BMPER: variants seen among roughly 807,000 people sequenced by gnomAD.
The protein encoded by BMPER is BMP binding endothelial regulator.
BMPER carries 45 observed loss-of-function variants against 87.3 expected under a neutral mutation model. The ratio of observed to expected loss-of-function variants is 0.52; its 90% CI spans 0.41 to 0.66. The LOEUF (loss-of-function observed/expected upper bound fraction) is 0.66. Ranked by LOEUF, BMPER falls within the 30% of genes least tolerant of loss-of-function variation. The pLI is 0.00. For synonymous variants in BMPER, 326 were observed against 316.2 expected (o/e 1.03, Z -0.33); for missense variants, 784 against 867.5 (o/e 0.90, Z 1.21).
chr7:33,974,375 T>C (rs373853053), intron 5 of BMPER, among the ~76,000 whole-genome samples: 2 of 152,186 alleles, frequency 1.3e-5, no homozygotes, highest in South Asian at 2.1e-4. Flanking sequence ...CTGGCCCCCC[T>C]GGGTTTGGTC....
chr7:33,915,166 G>T (rs768431055), intron 2 of BMPER, among the ~76,000 whole-genome samples: 1 of 152,074 alleles, frequency 6.6e-6, no homozygotes, highest in Non-Finnish European at 1.5e-5. Context: ...AATTTTAAAA[G>T]GTACCCAAAC....
chr7:34,150,243 A>T (rs1188737269), intron 14 of BMPER, among the ~76,000 whole-genome samples: 2 of 152,206 alleles, frequency 1.3e-5, no homozygotes, highest in Non-Finnish European at 2.9e-5. Flanking sequence ...CTAAAAAGGA[A>T]TGAGTCTCTG....
chr7:34,074,480 G>A (rs1420913767), intron 11 of BMPER, among the ~76,000 whole-genome samples: 2 of 152,170 alleles, frequency 1.3e-5, no homozygotes, highest in African/African-American at 4.8e-5. Context: ...TAGACAAACA[G>A]CCTTTCCTGA....
At chr7:34,013,546 C>G (rs1252995749) in intron 6 of BMPER, among the ~76,000 whole-genome samples, 1 of 151,764 alleles carries the variant, frequency 6.6e-6, no homozygotes. Flanking sequence ...TCATAAAATT[C>G]ACTTGTTGTA....
intron 3 of BMPER, among the ~76,000 whole-genome samples, chr7:33,941,055 T>G (rs1585659453): frequency 7.4e-6 from 1 of 135,466 alleles, no homozygotes; most frequent in Non-Finnish European, 1.5e-5. Flanking sequence ...AATTTATATG[T>G]AATATATTAC....
chr7:34,045,745 T>C (rs559294412), intron 6 of BMPER, among the ~76,000 whole-genome samples: 5 of 152,322 alleles, frequency 3.3e-5, no homozygotes, highest in African/African-American at 1.2e-4. Flanking sequence ...GGAACCTCCT[T>C]GAGCCATTTT....
Position 34,134,727 on chromosome 7 carries a change from G to A in BMPER, c.1746-8503G>A, listed in dbSNP as rs537155510. The stretch of plus-strand genomic sequence containing the variant: ...ATTAGATGGGCGAGAATTTAACTGT[G>A]GGCATGAAGATTATACTCTTCACAT... On this transcript the variant is annotated intron_variant, in intron 13 of 14. Transcript: ENST00000649409. 5.3e-5 allele frequency among the ~76,000 whole-genome samples: 8 copies of A among 152,224 alleles called. No homozygotes were observed. The South Asian group carries it at 1.7e-3, about 32-fold the overall frequency.
intron 13 of BMPER, among the ~76,000 whole-genome samples, chr7:34,135,370 A>T (rs1176885214): frequency 6.6e-6 from 1 of 152,192 alleles, no homozygotes; most frequent in Non-Finnish European, 1.5e-5. Flanking sequence ...AAGAGTCCTT[A>T]TGAGCAGGGA....
At chr7:33,933,832 A>G (rs1386203825) in intron 2 of BMPER, among the ~76,000 whole-genome samples, 1 of 152,154 alleles carries the variant, frequency 6.6e-6, no homozygotes, top group African/African-American at 2.4e-5. Context: ...CATTTAAATG[A>G]CAGGCCTCTA....
chr7:33,964,655 C>G (rs1785359248), intron 3 of BMPER, among the ~76,000 whole-genome samples: 1 of 152,180 alleles, frequency 6.6e-6, no homozygotes, highest in South Asian at 2.1e-4. Context: ...TGGTGCTCCT[C>G]CTGGGAGCCC....
At chr7:34,051,456 C>T (rs1177947500) in intron 7 of BMPER, among the ~76,000 whole-genome samples, 1 of 152,136 alleles carries the variant, frequency 6.6e-6, no homozygotes, top group Non-Finnish European at 1.5e-5. Context: ...TCCAAGAATT[C>T]TTCTCTGACC....
intron 6 of BMPER, among the ~76,000 whole-genome samples, chr7:34,039,911 C>G (rs1362835657): frequency 6.6e-6 from 1 of 151,918 alleles, no homozygotes; most frequent in Non-Finnish European, 1.5e-5. Flanking sequence ...GAGGCATAAA[C>G]CATACCAGTT....
At chr7:34,088,885 C>T (rs1331119675) in intron 13 of BMPER, among the ~76,000 whole-genome samples, 1 of 152,154 alleles carries the variant, frequency 6.6e-6, no homozygotes, top group Non-Finnish European at 1.5e-5. Context: ...GGAACAATCT[C>T]AAAATCAACT....
chr7:33,915,649 A>T (rs1562627723), intron 2 of BMPER, among the ~76,000 whole-genome samples: 1 of 152,200 alleles, frequency 6.6e-6, no homozygotes, highest in African/African-American at 2.4e-5. Context: ...TATGCCCTTC[A>T]TCCGACTTAA....
In BMPER at chr7:33,950,956, TCTC is replaced by T. The variant is rs777253475; in HGVS notation, c.319+13575_319+13577del. Among the ~76,000 whole-genome samples, 17 of 152,024 alleles carry T rather than the reference TCTC, an allele frequency of 1.1e-4. No homozygotes were observed. In the South Asian group the frequency reaches 3.5e-3, roughly 32 times the overall value. On this transcript the variant is annotated intron_variant, in intron 3 of 14. Transcript: ENST00000649409. ...CGCTTGCTTGCTTTTGGCCATTCCC[TCTC>T]CTCCTCTGGTTAGGTGGCCACCAAG...
At chr7:34,009,951 C>A (rs1407404654) in intron 6 of BMPER, among the ~76,000 whole-genome samples, 1 of 151,886 alleles carries the variant, frequency 6.6e-6, no homozygotes, top group African/African-American at 2.4e-5. Flanking sequence ...AGGAAGGTGA[C>A]CTTCTAGGTA....
At chr7:34,062,994 G>A (rs1394304645) in intron 11 of BMPER, among the ~76,000 whole-genome samples, 4 of 152,190 alleles carry the variant, frequency 2.6e-5, no homozygotes, top group Non-Finnish European at 4.4e-5. Context: ...ACAGAGCATA[G>A]CAATAGCTTC....
At chr7:34,079,638 A>G (rs574071938) in intron 12 of BMPER, among the ~76,000 whole-genome samples, 2 of 152,288 alleles carry the variant, frequency 1.3e-5, no homozygotes, top group South Asian at 4.1e-4. Context: ...CATCTGTCCA[A>G]GTCTTTGCAG....
chr7:33,944,844 T>A (rs2128611557), intron 3 of BMPER, among the ~76,000 whole-genome samples: 1 of 152,358 alleles, frequency 6.6e-6, no homozygotes, highest in East Asian at 1.9e-4. Flanking sequence ...TGGTCTTTAC[T>A]ACTATGCTCA....
Sources: allele counts gnomAD v4.1 joint callset (sites outside exome capture counted in the v4.1 genomes callset), GRCh38; gene constraint gnomAD v4.1.1; transcripts MANE v1.5; gene names NCBI Gene and HGNC (gene_info 2026-07-23, HGNC 2026-07-21).